The following TMEM178A variants were observed in gnomAD, a reference collection of about 807,000 sequenced individuals.
The protein encoded by TMEM178A is transmembrane protein 178.
In TMEM178A, 12 loss-of-function variants were observed where a neutral mutation model predicts 29.1. The ratio of observed to expected loss-of-function variants is 0.41; its 90% CI spans 0.26 to 0.67. The LOEUF is 0.67. TMEM178A is among the 30% of genes least tolerant of loss of function. The probability of loss-of-function intolerance (pLI) is 0.29; values close to 1 mark genes in which losing one functional copy is unlikely to be tolerated. For synonymous variants in TMEM178A, 210 were observed against 187.2 expected, an observed-to-expected ratio of 1.12 and a Z score of -0.99; for missense variants, 366 against 419.1, an observed-to-expected ratio of 0.87 and a Z score of 1.11.
intron 1 of TMEM178A, among the ~76,000 whole-genome samples, chr2:39,690,537 T>C (rs1671269266): frequency 6.6e-6 from 1 of 152,194 alleles, no homozygotes; most frequent in Non-Finnish European, 1.5e-5. Flanking sequence ...TGCCCCCCAC[T>C]GCCTGCAAGA....
intron 1 of TMEM178A, among the ~76,000 whole-genome samples, chr2:39,675,389 A>G (rs924351866): frequency 1.4e-5 from 2 of 144,120 alleles, no homozygotes; most frequent in Admixed American, 1.4e-4. Flanking sequence ...AAGTTAAAAA[A>G]TAATGACAGG....
chr2:39,694,827 A>G (rs946494470), intron 1 of TMEM178A, among the ~76,000 whole-genome samples: 5 of 152,164 alleles, frequency 3.3e-5, no homozygotes, highest in African/African-American at 4.8e-5. Context: ...TACAATTTGC[A>G]TTATATTTCT....
chr2:39,725,135 A>C, the TMEM178A span, among the ~76,000 whole-genome samples: 1 of 152,150 alleles, frequency 6.6e-6, no homozygotes, highest in African/African-American at 2.4e-5. Flanking sequence ...AGTGAAATGA[A>C]GATGAGGAAA....
chr2:39,696,159 G>A (rs535831505), intron 1 of TMEM178A, among the ~76,000 whole-genome samples: 1 of 152,312 alleles, frequency 6.6e-6, no homozygotes, highest in Admixed American at 6.5e-5. Context: ...GGTAGGTTGA[G>A]GGTTGAGCAA....
chr2:39,708,769 T>G (rs2148111047), intron 3 of TMEM178A, among the ~76,000 whole-genome samples: 1 of 152,276 alleles, frequency 6.6e-6, no homozygotes, highest in African/African-American at 2.4e-5. Context: ...GGGCTAGGAT[T>G]TTTTTGACTA....
intron 1 of TMEM178A, among the ~76,000 whole-genome samples, chr2:39,698,785 C>G (rs571481692): frequency 6.6e-6 from 1 of 151,850 alleles, no homozygotes; most frequent in East Asian, 1.9e-4. Context: ...GCCATCTGGT[C>G]ATGGAATTTT....
chr2:39,720,330 G>A (rs933208792), downstream of TMEM178A, among the ~76,000 whole-genome samples: 7 of 152,156 alleles, frequency 4.6e-5, no homozygotes, highest in South Asian at 4.1e-4. Context: ...CTGGGAACCC[G>A]GGACTCAGGT....
Position 39,707,189 on chromosome 2 carries a change from A to G in TMEM178A, c.652+3A>G. 6.2e-7 allele frequency: 1 copy of G among 1,609,296 alleles called. No individual in the cohort carries two copies. The highest frequency in any genetic ancestry group is 1.1e-5 in the South Asian group (1 of 90,042). On this transcript the variant is annotated splice_donor_region_variant and intron_variant, in intron 3 of 3. Transcript: ENST00000281961. ...TGGACTCCTGTTCCTCATGACAGGT[A>G]GGCTGCATGCCTCAGGCCGTCTGTC...
intron 1 of TMEM178A, among the ~76,000 whole-genome samples, chr2:39,691,084 C>T (rs900855179): frequency 6.6e-6 from 1 of 152,064 alleles, no homozygotes; most frequent in Non-Finnish European, 1.5e-5. Context: ...GTATCTGTGA[C>T]ATATGGGATA....
rs1042550610 is a variant in TMEM178A, at chr2:39,686,415, G to A, written c.401-17666G>A. On this transcript the variant is annotated intron_variant, in intron 1 of 3. Transcript: ENST00000281961. ...TGTCTTCAGAATTCTCTTAAATTAGGTTTTTTTTTTAATTACCTACTTATC... is the reference window on the plus strand; with the variant it reads ...TGTCTTCAGAATTCTCTTAAATTAGATTTTTTTTTTAATTACCTACTTATC... Among the ~76,000 whole-genome samples the A allele has an allele frequency of 2.0e-5, 3 of 149,918 alleles. No homozygotes were observed. In the East Asian group the frequency reaches 5.8e-4, roughly 29 times the overall value.
At chr2:39,716,237 T>A (rs1274801280) in intron 3 of TMEM178A, among the ~76,000 whole-genome samples, 1 of 152,256 alleles carries the variant, frequency 6.6e-6, no homozygotes, top group African/African-American at 2.4e-5. Context: ...TATATCCACA[T>A]GAATTGAGTA....
At chr2:39,687,008 TGTG>T (rs1671108776) in intron 1 of TMEM178A, among the ~76,000 whole-genome samples, 1 of 141,652 alleles carries the variant, frequency 7.1e-6, no homozygotes, top group Non-Finnish European at 1.5e-5. Flanking sequence ...TGTGTGTGTG[TGTG>T]TGTGTATTAT....
intron 3 of TMEM178A, among the ~76,000 whole-genome samples, chr2:39,709,892 C>T (rs924561898): frequency 2.0e-5 from 3 of 152,286 alleles, no homozygotes; most frequent in Non-Finnish European, 1.5e-5. Flanking sequence ...GCAAATGAAA[C>T]AATTGTTAGA....
the TMEM178A span, among the ~76,000 whole-genome samples, chr2:39,727,392 T>TA: frequency 2.0e-5 from 3 of 152,206 alleles, no homozygotes; most frequent in Admixed American, 1.3e-4. Context: ...GAACATGCAC[T>TA]AAAAAAACTC....
chr2:39,722,993 C>G, the TMEM178A span, among the ~76,000 whole-genome samples: 1 of 152,172 alleles, frequency 6.6e-6, no homozygotes, highest in Non-Finnish European at 1.5e-5. Context: ...GGCATGGAAA[C>G]CTTGCTATAG....
the TMEM178A span, among the ~76,000 whole-genome samples, chr2:39,725,774 C>T: frequency 2.6e-5 from 4 of 152,200 alleles, no homozygotes; most frequent in Non-Finnish European, 4.4e-5. Flanking sequence ...TTATTGTTCT[C>T]AGGCCTAACA....
At chr2:39,732,076 T>C in the TMEM178A span, among the ~76,000 whole-genome samples, 3 of 152,144 alleles carry the variant, frequency 2.0e-5, no homozygotes, top group Non-Finnish European at 4.4e-5. Flanking sequence ...CTGATACTCA[T>C]GAGGATGACA....
At chr2:39,704,754 C>T (rs574074006) in intron 2 of TMEM178A, among the ~76,000 whole-genome samples, 1 of 152,260 alleles carries the variant, frequency 6.6e-6, no homozygotes, top group East Asian at 1.9e-4. Flanking sequence ...CTGATATTTA[C>T]CTAAAAACTG....
chr2:39,699,107 C>G (rs1671675187), intron 1 of TMEM178A, among the ~76,000 whole-genome samples: 1 of 151,286 alleles, frequency 6.6e-6, no homozygotes, highest in Non-Finnish European at 1.5e-5. Context: ...CTTACTGCAA[C>G]CTCTGCCTCC....
Sources: allele counts gnomAD v4.1 joint callset (sites outside exome capture counted in the v4.1 genomes callset), GRCh38; gene constraint gnomAD v4.1.1; transcripts MANE v1.5; gene names NCBI Gene and HGNC (gene_info 2026-07-23, HGNC 2026-07-21).